Variants in DNM3 observed in about 807,000 individuals in gnomAD.
DNM3 encodes the protein dynamin 3.
In DNM3, 47 loss-of-function variants were observed where a neutral mutation model predicts 101.6. The ratio of observed to expected loss-of-function variants is 0.46; its 90% confidence interval spans 0.37 to 0.59. The LOEUF (loss-of-function observed/expected upper bound fraction) is 0.59, where lower values mean the gene tolerates loss of function less well. Among genes scored for constraint, DNM3 ranks in the 20% least tolerant of loss-of-function variants. The pLI, the probability that DNM3 is intolerant of heterozygous loss-of-function variation, is 0.00. For synonymous variants in DNM3, 385 were observed against 387.9 expected, an observed-to-expected ratio of 0.99 and a Z score of 0.09; for missense variants, 849 against 1,085.7, an observed-to-expected ratio of 0.78 and a Z score of 3.06.
chr1:172,374,113 C>G (rs1041987661), intron 17 of DNM3, among the ~76,000 whole-genome samples: 1 of 152,050 alleles, frequency 6.6e-6, no homozygotes, highest in African/African-American at 2.4e-5. Context: ...AATGTTCTAT[C>G]TTTGAATATT....
At chr1:172,202,817 T>A (rs777634498) in intron 14 of DNM3, among the ~76,000 whole-genome samples, 20 of 152,198 alleles carry the variant, frequency 1.3e-4, no homozygotes, top group Non-Finnish European at 2.4e-4. Context: ...CTGTGTAGCA[T>A]TTTAATGTTG....
At chr1:172,220,376 T>G (rs2060863077) in intron 14 of DNM3, among the ~76,000 whole-genome samples, 1 of 152,082 alleles carries the variant, frequency 6.6e-6, no homozygotes. Context: ...ACATTGTGAA[T>G]AAATACAATA....
chr1:172,120,950 A>G (rs998125785), intron 13 of DNM3, among the ~76,000 whole-genome samples: 7 of 152,318 alleles, frequency 4.6e-5, no homozygotes, highest in Middle Eastern at 6.8e-3. Context: ...TTAAATCGTT[A>G]ATAAATATTT....
At chr1:172,237,687 C>A (rs1166916560) in intron 14 of DNM3, among the ~76,000 whole-genome samples, 1 of 152,066 alleles carries the variant, frequency 6.6e-6, no homozygotes, top group African/African-American at 2.4e-5. Context: ...ACAGAAAATT[C>A]TTTTATTTTA....
chr1:172,303,291 G>T (rs1419008570), intron 15 of DNM3, among the ~76,000 whole-genome samples: 1 of 152,154 alleles, frequency 6.6e-6, no homozygotes, highest in Non-Finnish European at 1.5e-5. Context: ...AGTGATGGAA[G>T]ATCAAATTAA....
At chr1:172,308,881 A>G (rs772471539) in intron 16 of DNM3, 42 bp downstream of exon 16, 7 of 1,200,864 alleles carry the variant, frequency 5.8e-6, no homozygotes, top group Non-Finnish European at 8.3e-6. Context: ...ATTATTAGCT[A>G]TGCTTAAGAA....
At chr1:172,237,993 G>T (rs1328463931) in intron 14 of DNM3, among the ~76,000 whole-genome samples, 1 of 152,114 alleles carries the variant, frequency 6.6e-6, no homozygotes, top group Non-Finnish European at 1.5e-5. Flanking sequence ...TCAAGGCATT[G>T]TGATGTCACT....
intron 20 of DNM3, among the ~76,000 whole-genome samples, chr1:172,406,262 G>A (rs2070876206): frequency 6.6e-6 from 1 of 151,976 alleles, no homozygotes; most frequent in African/African-American, 2.4e-5. Flanking sequence ...CTCAGAAGAT[G>A]ACCAAAATGA....
chr1:172,276,415 T>C lies in DNM3; in HGVS notation c.1769+22733T>C, dbSNP rs949294057. Among the ~76,000 whole-genome samples, 4 of 152,176 alleles carry C rather than the reference T, an allele frequency of 2.6e-5. No individual in the cohort carries two copies. The East Asian group carries it at 7.7e-4, about 29-fold the overall frequency. On this transcript the variant is annotated intron_variant, in intron 15 of 20. Transcript: ENST00000627582. ...GATAACTTATTTTGCTAATATTCTC[T>C]AAACAGGAAGAAGTTTGAAATGCAT...
intron 2 of DNM3, among the ~76,000 whole-genome samples, chr1:171,955,360 T>C (rs1032086952): frequency 5.9e-5 from 9 of 152,238 alleles, no homozygotes; most frequent in African/African-American, 1.9e-4. Flanking sequence ...TTAACTTTTA[T>C]GGTTACACAA....
At chr1:172,127,922 C>T (rs1014666092) in intron 13 of DNM3, among the ~76,000 whole-genome samples, 3 of 152,208 alleles carry the variant, frequency 2.0e-5, no homozygotes, top group Admixed American at 6.5e-5. Flanking sequence ...ATTCACTTTT[C>T]GACCCAAAGA....
At chr1:172,204,521 A>G (rs1230740974) in intron 14 of DNM3, among the ~76,000 whole-genome samples, 2 of 152,046 alleles carry the variant, frequency 1.3e-5, no homozygotes, top group African/African-American at 4.8e-5. Context: ...AACTCACCAA[A>G]ACTAAATTGG....
chr1:172,182,182 G>GTT (rs796368546), intron 14 of DNM3, among the ~76,000 whole-genome samples: 9 of 144,198 alleles, frequency 6.2e-5, no homozygotes, highest in African/African-American at 1.5e-4. Context: ...ACATTTTATA[G>GTT]TTTTTTTTTT....
chr1:171,992,768 A>C, intron 4 of DNM3, among the ~76,000 whole-genome samples: 1 of 151,884 alleles, frequency 6.6e-6, no homozygotes, highest in East Asian at 1.9e-4. Context: ...CTTTTTGTGT[A>C]TGTCCTATGT....
chr1:172,365,890 A>C (rs766386450), intron 17 of DNM3, among the ~76,000 whole-genome samples: 1 of 151,922 alleles, frequency 6.6e-6, no homozygotes, highest in Non-Finnish European at 1.5e-5. Context: ...GGCTTTAAAA[A>C]CTGGATTATA....
chr1:172,069,003 A>G (rs1232687745), intron 11 of DNM3, 98 bp downstream of exon 11: 2 of 969,826 alleles, frequency 2.1e-6, no homozygotes, highest in Non-Finnish European at 1.6e-6. Flanking sequence ...CTGTCGCTTA[A>G]AGGAAAAAAA....
intron 14 of DNM3, among the ~76,000 whole-genome samples, chr1:172,183,475 A>C (rs2059415268): frequency 6.6e-6 from 1 of 152,144 alleles, no homozygotes; most frequent in Non-Finnish European, 1.5e-5. Context: ...GGGTTTCAAA[A>C]CCCAAATACA....
At chr1:171,950,192 C>A (rs993585192) in intron 2 of DNM3, among the ~76,000 whole-genome samples, 1 of 151,728 alleles carries the variant, frequency 6.6e-6, no homozygotes, top group African/African-American at 2.4e-5. Flanking sequence ...AATGATGCAG[C>A]GTGAAAGAAG....
intron 14 of DNM3, among the ~76,000 whole-genome samples, chr1:172,174,215 A>G (rs2059071712): frequency 6.6e-6 from 1 of 151,648 alleles, no homozygotes; most frequent in Non-Finnish European, 1.5e-5. Context: ...CAGTAGCCGA[A>G]CCTGAAACAA....
Sources: gnomAD v4.1 joint callset for allele counts (sites outside exome capture counted in the v4.1 genomes callset) on GRCh38, gnomAD v4.1.1 for gene constraint, MANE v1.5 for transcripts, NCBI Gene and HGNC (gene_info 2026-07-23, HGNC 2026-07-21) for gene names.